The following EGLN1 variants were observed in gnomAD, a reference collection of about 807,000 sequenced individuals.
The protein encoded by EGLN1 is egl nine homolog 1.
A neutral mutation model predicts 38.3 loss-of-function variants in EGLN1; 17 were observed. That is an observed-to-expected ratio of 0.44 (90% CI 0.30 to 0.67). The LOEUF is 0.67. Among genes scored for constraint, EGLN1 ranks in the 30% least tolerant of loss-of-function variants. The pLI is 0.08. For synonymous variants in EGLN1, 283 were observed against 257.5 expected (o/e 1.10, Z -0.95); for missense variants, 477 against 603.3 (o/e 0.79, Z 2.19).
At chr1:231,394,250 G>C (rs1313623630) in intron 1 of EGLN1, among the ~76,000 whole-genome samples, 1 of 152,112 alleles carries the variant, frequency 6.6e-6, no homozygotes, top group Non-Finnish European at 1.5e-5. Context: ...AGTTGTCTCT[G>C]ACCTCACCTG....
intron 2 of EGLN1, among the ~76,000 whole-genome samples, chr1:231,373,206 G>GT (rs1265301973): frequency 6.6e-6 from 1 of 152,058 alleles, no homozygotes; most frequent in African/African-American, 2.4e-5. Context: ...TAAACTTCCA[G>GT]TTTTTTAATA....
rs1299227760 is a variant in EGLN1, at chr1:231,405,336, T to C, written c.891+15662A>G. 5.3e-5 allele frequency among the ~76,000 whole-genome samples: 8 copies of C among 151,982 alleles called. No homozygotes were observed. The South Asian group carries it at 6.2e-4, about 12-fold the overall frequency. ...TACAGGCTACAGGTGCCCGCCACCA[T>C]GCCCGGCTTTTTTTGTATTTTTAGT... On this transcript the variant is annotated intron_variant, in intron 1 of 4. Transcript: ENST00000366641.
intron 3 of EGLN1, 48 bp from the exon 4 acceptor site, chr1:231,367,684 A>C (rs747598076): frequency 2.0e-5 from 32 of 1,564,390 alleles, no homozygotes; most frequent in Non-Finnish European, 2.8e-5. Context: ...CTGCGGGGAA[A>C]AAGTGGTATT....
chr1:231,422,192 A>C lies in EGLN1; in HGVS notation c.-304T>G, dbSNP rs1420716044. ...GGCGCGCGGGCCTGGGGAGCGCAAG[A>C]CCGGCCCCCTCGGCCGCCGCCGCCG... On this transcript the variant is annotated 5_prime_UTR_variant, in exon 1 of 5. Coordinates refer to ENST00000366641, the MANE Select transcript of EGLN1 (RefSeq NM_022051.3). The C allele has an allele frequency of 2.0e-5, 4 of 204,172 alleles. No homozygotes were observed. The highest frequency in any genetic ancestry group is 2.3e-5 in the African/African-American group (1 of 42,732). The allele number at this position is 204,172 out of a possible 1,614,324, so 12.6% of individuals were successfully genotyped here.
intron 1 of EGLN1, among the ~76,000 whole-genome samples, chr1:231,405,696 C>G (rs1322714151): frequency 1.3e-5 from 2 of 152,012 alleles, no homozygotes; most frequent in Non-Finnish European, 2.9e-5. Context: ...CTTCCCCACC[C>G]CACACTACTG....
chr1:231,418,794 G>A (rs1237370538), intron 1 of EGLN1, among the ~76,000 whole-genome samples: 1 of 151,628 alleles, frequency 6.6e-6, no homozygotes, highest in Non-Finnish European at 1.5e-5. Flanking sequence ...TCCAGGAGGT[G>A]GAAGCTGCAG....
At chr1:231,411,980 A>C (rs2808610) in intron 1 of EGLN1, among the ~76,000 whole-genome samples, 21,293 of 133,664 alleles carry the variant, frequency 0.16, 1,968 homozygotes, top group African/African-American at 0.26. Context: ...CCATTGCACT[A>C]CAGCCTGGGT....
At position 231,421,398 on chromosome 1, in the gene EGLN1, G is replaced by A. The variant is rs770213782; in HGVS notation, c.491C>T (p.Pro164Leu). 10 of 1,603,656 alleles carry A rather than the reference G, an allele frequency of 6.2e-6. No homozygotes were observed. The highest frequency in any genetic ancestry group is 3.4e-5 in the Admixed American group (2 of 59,428). ...CGCATCCCCGGGCGTGTTGCTTGGG[G>A]GGTACAGGTTCGCCTTCTCCTGGAA... ...SLFQEKANLY[P>L]PSNTPGDALS... Residue 164 changes from proline to leucine, a missense_variant, in exon 1 of 5, where the codon CCC (proline) becomes CTC (leucine). Physicochemically the swap from Pro to Leu is moderately conservative, Grantham distance 98. Around this residue, in one of 4 missense-constraint regions of EGLN1, gnomAD observed 298 missense variants for 288.9 expected, o/e 1.03. Transcript: ENST00000366641. This position sits in a 1 kb window ranked among gnomAD's most constrained non-coding sequence, Gnocchi z 5.5.
intron 1 of EGLN1, among the ~76,000 whole-genome samples, chr1:231,410,007 C>T (rs2102935422): frequency 6.6e-6 from 1 of 151,996 alleles, no homozygotes; most frequent in Admixed American, 6.5e-5. Flanking sequence ...AAAGTGTAGA[C>T]TAGAGGGAAA....
chr1:231,403,319 A>G (rs983474600), intron 1 of EGLN1, among the ~76,000 whole-genome samples: 1 of 152,218 alleles, frequency 6.6e-6, no homozygotes, highest in Non-Finnish European at 1.5e-5. Context: ...TTACTGAGAA[A>G]GAAGTATTGA....
At chr1:231,375,680 A>T (rs1039023907) in intron 1 of EGLN1, among the ~76,000 whole-genome samples, 14 of 152,202 alleles carry the variant, frequency 9.2e-5, no homozygotes, top group Non-Finnish European at 1.3e-4. Flanking sequence ...GGAGGTTGGT[A>T]ACAACCAGGA....
At chr1:231,373,682 GTGTGTGTGTGTGTGTGTGTGTA>G (rs1371947251) in intron 2 of EGLN1, among the ~76,000 whole-genome samples, 2 of 30,996 alleles carry the variant, frequency 6.5e-5, no homozygotes, top group Admixed American at 3.2e-4. Flanking sequence ...GTGTGCGTGT[GTGTGTGTGTGTGTGTGTGTGTA>G]TGTGTGTGTG....
At chr1:231,395,294 T>C (rs546377207) in intron 1 of EGLN1, among the ~76,000 whole-genome samples, 1 of 152,372 alleles carries the variant, frequency 6.6e-6, no homozygotes, top group Non-Finnish European at 1.5e-5. Context: ...AGAAGTCCTA[T>C]GTCAACGGTT....
intron 4 of EGLN1, among the ~76,000 whole-genome samples, chr1:231,366,854 C>T (rs1014842480): frequency 2.6e-5 from 4 of 152,116 alleles, no homozygotes; most frequent in East Asian, 1.9e-4. Flanking sequence ...GGTCGACGTG[C>T]GATTAGCAAT....
At chr1:231,375,598 T>C (rs1300055073) in intron 1 of EGLN1, among the ~76,000 whole-genome samples, 2 of 152,230 alleles carry the variant, frequency 1.3e-5, no homozygotes, top group African/African-American at 4.8e-5. Context: ...AGCAGAATTT[T>C]TGGAGAACAT....
At chr1:231,420,890 C>T in intron 1 of EGLN1, 108 bp downstream of exon 1, 1 of 1,604,192 alleles carries the variant, frequency 6.2e-7, no homozygotes, top group Non-Finnish European at 8.5e-7. Flanking sequence ...AGAGCGAGTC[C>T]CTTCTATATA....
At chr1:231,397,643 A>AC (rs147661795) in intron 1 of EGLN1, among the ~76,000 whole-genome samples, 3,579 of 152,332 alleles carry the variant, frequency 0.023, 50 homozygotes, top group East Asian at 0.044. Flanking sequence ...CTGCATCAAA[A>AC]CATGAGGATT....
intron 1 of EGLN1, among the ~76,000 whole-genome samples, chr1:231,404,050 A>G (rs958659251): frequency 6.6e-6 from 1 of 152,154 alleles, no homozygotes; most frequent in African/African-American, 2.4e-5. Flanking sequence ...ATACAATGTC[A>G]ACACTAAAAA....
intron 1 of EGLN1, among the ~76,000 whole-genome samples, chr1:231,414,832 C>T (rs1239428845): frequency 1.3e-5 from 2 of 151,042 alleles, no homozygotes; most frequent in Admixed American, 1.3e-4. Context: ...ACCTCCCAGG[C>T]TCAAGCGATC....
Sources: gnomAD v4.1 joint callset for allele counts (sites outside exome capture counted in the v4.1 genomes callset) on GRCh38, gnomAD v4.1.1 for gene constraint, gnomAD v4.1.1 regional missense constraint, Gnocchi (gnomAD v3.1) non-coding constraint, MANE v1.5 for transcripts, NCBI Gene and HGNC (gene_info 2026-07-23, HGNC 2026-07-21) for gene names.